Variants in PLCE1 observed in about 807,000 individuals in gnomAD.
PLCE1 encodes the protein phospholipase C epsilon 1, also known as 1-phosphatidylinositol 4,5-bisphosphate phosphodiesterase epsilon-1.
Under a neutral mutation model 242.8 loss-of-function variants are expected in PLCE1, and 119 were observed. The observed-to-expected ratio is 0.49, with a 90% CI of 0.42 to 0.57. The LOEUF (loss-of-function observed/expected upper bound fraction) is 0.57, where lower values mean the gene tolerates loss of function less well. Ranked by LOEUF, PLCE1 falls within the 20% of genes least tolerant of loss-of-function variation. The pLI is 0.00. For missense variants in PLCE1, 2,441 were observed against 2,788.8 expected (o/e 0.88, Z 2.81); for synonymous variants, 945 against 1,017.4 (o/e 0.93, Z 1.35).
At chr10:94,267,681 A>G (rs1444422937) in intron 16 of PLCE1, among the ~76,000 whole-genome samples, 1 of 152,144 alleles carries the variant, frequency 6.6e-6, no homozygotes, top group Non-Finnish European at 1.5e-5. Flanking sequence ...CAGTTGCTGA[A>G]CATTATTCCT....
intron 2 of PLCE1, among the ~76,000 whole-genome samples, chr10:94,082,500 G>A (rs568825845): frequency 2.1e-4 from 32 of 152,260 alleles, no homozygotes; most frequent in African/African-American, 6.3e-4. Flanking sequence ...CAGGGACAGC[G>A]CTTACAGCAT....
intron 2 of PLCE1, among the ~76,000 whole-genome samples, chr10:94,114,856 G>A (rs2046071755): frequency 6.6e-6 from 1 of 151,826 alleles, no homozygotes; most frequent in South Asian, 2.1e-4. Context: ...CCATGTTGGT[G>A]TGCTGCACCC....
intron 8 of PLCE1, among the ~76,000 whole-genome samples, chr10:94,250,997 A>G (rs1471631795): frequency 6.6e-6 from 1 of 152,164 alleles, no homozygotes; most frequent in Non-Finnish European, 1.5e-5. Context: ...CATTCTCTGT[A>G]TCACTGCATT....
intron 3 of PLCE1, among the ~76,000 whole-genome samples, chr10:94,140,830 T>C (rs1277307222): frequency 6.6e-6 from 1 of 152,232 alleles, no homozygotes; most frequent in Admixed American, 6.5e-5. Flanking sequence ...GACTTGTTAG[T>C]ATTGTGACCT....
At chr10:94,285,504 A>T (rs960594591) in intron 22 of PLCE1, among the ~76,000 whole-genome samples, 4 of 152,202 alleles carry the variant, frequency 2.6e-5, no homozygotes, top group African/African-American at 9.7e-5. Flanking sequence ...TAGCTTAACC[A>T]AGGTACATGC....
rs919820336 is a variant in PLCE1, at chr10:94,108,229, G to A, written c.1207-23945G>A. On this transcript the variant is annotated intron_variant, in intron 2 of 32. Coordinates refer to ENST00000371380, the MANE Select transcript of PLCE1 (RefSeq NM_016341.4). ...ATTCCACCCTATCACAAGCAAGGTG[G>A]GAGCTCCCCTGCAGCCAGTGCCCCA... 6 of 152,356 alleles carry A rather than the reference G, an allele frequency of 3.9e-5. 1 individual carries two copies. Among genetic ancestry groups the A allele is most frequent in the Admixed American group, 6.5e-5 (1 of 15,308 alleles). The allele number at this position is 152,356 out of a possible 1,614,324, so 9.4% of individuals were successfully genotyped here.
chr10:94,002,805 A>G (rs2060956653), intron 1 of PLCE1, among the ~76,000 whole-genome samples: 1 of 152,208 alleles, frequency 6.6e-6, no homozygotes, highest in East Asian at 1.9e-4. Flanking sequence ...TGTTTTTTCA[A>G]ATAAAATTGG....
At chr10:94,020,528 AG>A (rs1462302107) in intron 1 of PLCE1, among the ~76,000 whole-genome samples, 1 of 152,150 alleles carries the variant, frequency 6.6e-6, no homozygotes, top group Non-Finnish European at 1.5e-5. Flanking sequence ...TATTTAGCCT[AG>A]GAAGTTTCTG....
intron 4 of PLCE1, among the ~76,000 whole-genome samples, chr10:94,203,971 C>A (rs138401857): frequency 6.6e-6 from 1 of 152,192 alleles, no homozygotes; most frequent in Non-Finnish European, 1.5e-5. Flanking sequence ...CAAAGGCAAC[C>A]TCTTGGGGCC....
intron 4 of PLCE1, among the ~76,000 whole-genome samples, chr10:94,176,259 G>A (rs557702423): frequency 6.6e-6 from 1 of 150,898 alleles, no homozygotes; most frequent in African/African-American, 2.5e-5. Flanking sequence ...AATTAGCCAG[G>A]CATGGTGGTG....
At chr10:94,190,885 T>C (rs932727747) in intron 4 of PLCE1, among the ~76,000 whole-genome samples, 4 of 152,166 alleles carry the variant, frequency 2.6e-5, no homozygotes, top group African/African-American at 9.7e-5. Context: ...ATAATTGTTA[T>C]AGAAGGGATG....
intron 4 of PLCE1, among the ~76,000 whole-genome samples, chr10:94,216,102 A>C (rs2049515998): frequency 6.6e-6 from 1 of 152,230 alleles, no homozygotes; most frequent in Non-Finnish European, 1.5e-5. Flanking sequence ...CATTTCTAAA[A>C]TGCAAATGAT....
In PLCE1 at chr10:94,032,119, T is replaced by C. The variant is rs894445177; in HGVS notation, c.1073T>C (p.Leu358Pro). Residue 358 changes from leucine to proline, a missense_variant, in exon 2 of 33, where the codon CTG becomes CCG. Physicochemically the swap from Leu to Pro is moderately conservative, Grantham distance 98. This residue lies in a region of PLCE1 where 733 missense variants were observed against 754.2 expected (regional missense o/e 0.97). Transcript: ENST00000371380. The stretch of plus-strand genomic sequence containing the variant: ...ACTCTGCCTTCTGGCCACATTGGGC[T>C]GACTGCATGGAGTTACATAGATCAG... ...VRTLPSGHIGLTAWSYIDQKR... is the reference protein window; with the variant it reads ...VRTLPSGHIGPTAWSYIDQKR... 6.2e-7 allele frequency: 1 copy of C among 1,610,608 alleles called. No homozygotes were observed. The highest frequency in any genetic ancestry group is 8.5e-7 in the Non-Finnish European group (1 of 1,178,854).
chr10:94,158,126 GAC>G (rs2047490927), intron 3 of PLCE1, among the ~76,000 whole-genome samples: 1 of 152,190 alleles, frequency 6.6e-6, no homozygotes, highest in African/African-American at 2.4e-5. Context: ...ATAAAACAGA[GAC>G]ACAGAATCCT....
intron 2 of PLCE1, among the ~76,000 whole-genome samples, chr10:94,123,170 G>T (rs139426720): frequency 6.6e-6 from 1 of 152,118 alleles, no homozygotes. Context: ...ATTTCTTGCC[G>T]GAACCCAGGG....
chr10:94,103,123 A>G (rs74954662), intron 2 of PLCE1, among the ~76,000 whole-genome samples: 6,893 of 152,298 alleles, frequency 0.045, 525 homozygotes, highest in African/African-American at 0.15. Context: ...AGCTGTTACT[A>G]TGAATCTACT....
intron 3 of PLCE1, among the ~76,000 whole-genome samples, chr10:94,136,567 T>C (rs553142074): frequency 2.0e-5 from 3 of 152,112 alleles, no homozygotes; most frequent in Non-Finnish European, 4.4e-5. Context: ...TAGGCGAAAA[T>C]AGAAGGAAAT....
At chr10:94,256,772 G>A (rs1289919358) in intron 11 of PLCE1, among the ~76,000 whole-genome samples, 2 of 152,168 alleles carry the variant, frequency 1.3e-5, no homozygotes, top group Non-Finnish European at 2.9e-5. Context: ...AACCCCAGGA[G>A]GACAGGGATC....
intron 11 of PLCE1, among the ~76,000 whole-genome samples, chr10:94,255,290 C>A: frequency 6.6e-6 from 1 of 152,188 alleles, no homozygotes; most frequent in Non-Finnish European, 1.5e-5. Context: ...TTCTCCAAAT[C>A]TGTACTATCC....
Sources: gnomAD v4.1 joint callset for allele counts (sites outside exome capture counted in the v4.1 genomes callset) on GRCh38, gnomAD v4.1.1 for gene constraint, gnomAD v4.1.1 regional missense constraint, MANE v1.5 for transcripts, NCBI Gene and HGNC (gene_info 2026-07-23, HGNC 2026-07-21) for gene names.